EYA1: variants seen among roughly 807,000 people sequenced by gnomAD.
EYA1 encodes the protein protein phosphatase EYA1.
A neutral mutation model predicts 82.0 loss-of-function variants in EYA1; 16 were observed. The ratio of observed to expected loss-of-function variants is 0.20; its 90% CI spans 0.13 to 0.30. EYA1 has a LOEUF of 0.30. Ranked by LOEUF, EYA1 falls within the 10% of genes least tolerant of loss-of-function variation. EYA1 has a pLI of 1.00. For missense variants in EYA1, 633 were observed against 730.7 expected (o/e 0.87, Z 1.54); for synonymous variants, 261 against 264.4 (o/e 0.99, Z 0.12).
At chr8:71,463,460 A>G (rs1359601998) in intron 2 of EYA1, among the ~76,000 whole-genome samples, 3 of 152,250 alleles carry the variant, frequency 2.0e-5, no homozygotes, top group Admixed American at 2.0e-4. Context: ...GTATCATGAC[A>G]CAAAAAGCTG....
intron 2 of EYA1, among the ~76,000 whole-genome samples, chr8:71,483,801 C>A (rs545644839): frequency 2.6e-5 from 4 of 151,986 alleles, no homozygotes; most frequent in Admixed American, 2.0e-4. Flanking sequence ...CATTTTGACC[C>A]CAAATAGTAT....
chr8:71,225,445 GA>G (rs536629955), intron 12 of EYA1: 22 of 348,472 alleles, frequency 6.3e-5, no homozygotes, highest in South Asian at 8.8e-5. Context: ...TGCAGAAAAA[GA>G]AAAAAATGGT....
chr8:71,429,035 C>A (rs1243321537), intron 2 of EYA1, among the ~76,000 whole-genome samples: 1 of 152,124 alleles, frequency 6.6e-6, no homozygotes, highest in Non-Finnish European at 1.5e-5. Flanking sequence ...TATAAGACCC[C>A]TTGATGGAAG....
chr8:71,447,972 A>T (rs1210225011), intron 2 of EYA1, among the ~76,000 whole-genome samples: 4 of 139,496 alleles, frequency 2.9e-5, no homozygotes, highest in African/African-American at 5.5e-5. Flanking sequence ...TTTCCAAAAG[A>T]TTTCTCTGTA....
At chr8:71,391,037 G>C (rs921068484) in intron 2 of EYA1, among the ~76,000 whole-genome samples, 11 of 152,010 alleles carry the variant, frequency 7.2e-5, no homozygotes, top group African/African-American at 2.7e-4. Flanking sequence ...GCAGTGGTGC[G>C]ATCTCGGCTC....
chr8:71,411,654 A>G (rs1161519695), intron 2 of EYA1, among the ~76,000 whole-genome samples: 1 of 151,456 alleles, frequency 6.6e-6, no homozygotes, highest in Non-Finnish European at 1.5e-5. Flanking sequence ...GCCATCAGAG[A>G]AATGCAAATC....
intron 1 of EYA1, among the ~76,000 whole-genome samples, chr8:71,545,611 G>T (rs1815495921): frequency 7.0e-6 from 1 of 142,466 alleles, no homozygotes; most frequent in Middle Eastern, 3.9e-3. Context: ...GCCCAGGCTG[G>T]AGTGCAGTGG....
chr8:71,208,380 C>T (rs188074071), intron 17 of EYA1, among the ~76,000 whole-genome samples: 8 of 152,012 alleles, frequency 5.3e-5, no homozygotes, highest in Non-Finnish European at 1.0e-4. Context: ...TGCAGTGAGC[C>T]GAGATCGCGC....
intron 1 of EYA1, among the ~76,000 whole-genome samples, chr8:71,540,137 A>AT (rs1815030368): frequency 6.6e-6 from 1 of 151,694 alleles, no homozygotes; most frequent in Non-Finnish European, 1.5e-5. Flanking sequence ...AATAAAAAAA[A>AT]ATCTATTCTG....
intron 2 of EYA1, among the ~76,000 whole-genome samples, chr8:71,510,310 A>G (rs1812499859): frequency 6.6e-6 from 1 of 152,172 alleles, no homozygotes; most frequent in African/African-American, 2.4e-5. Flanking sequence ...AAGCAGCCAA[A>G]CCATAGTCAA....
In EYA1 at chr8:71,312,861, T is replaced by C. The variant is rs10216468; in HGVS notation, c.556+4691A>G. On this transcript the variant is annotated intron_variant, in intron 7 of 17. Coordinates refer to ENST00000340726, the MANE Select transcript of EYA1 (RefSeq NM_000503.6). Reference sequence around the variant, plus strand: ...TGTCAACTGTTATTTTATTTTGTTGTATGGGCACTAGAGTTTTCCATCTCT... The same window carrying C: ...TGTCAACTGTTATTTTATTTTGTTGCATGGGCACTAGAGTTTTCCATCTCT... Among the ~76,000 whole-genome samples, 722 of 152,374 alleles carry C rather than the reference T, an allele frequency of 4.7e-3. 5 individuals carry two copies. The highest frequency in any genetic ancestry group is 0.017 in the African/African-American group (690 of 41,586).
chr8:71,508,615 G>A (rs1414114927), intron 2 of EYA1, among the ~76,000 whole-genome samples: 1 of 152,120 alleles, frequency 6.6e-6, no homozygotes, highest in Non-Finnish European at 1.5e-5. Flanking sequence ...CTTATAAAAG[G>A]GGCCCAAGGT....
chr8:71,254,243 CAAAA>C (rs56047377), intron 11 of EYA1, among the ~76,000 whole-genome samples: 6 of 51,470 alleles, frequency 1.2e-4, no homozygotes, highest in African/African-American at 4.8e-4. Flanking sequence ...AAGTCTTGGC[CAAAA>C]AAAAAAAAAA....
chr8:71,367,766 CT>C (rs1827840486), intron 2 of EYA1, among the ~76,000 whole-genome samples: 2 of 152,190 alleles, frequency 1.3e-5, no homozygotes, highest in South Asian at 4.1e-4. Context: ...TAGATTCATG[CT>C]TGCAAGCGAT....
intron 2 of EYA1, among the ~76,000 whole-genome samples, chr8:71,440,392 G>A (rs1199456259): frequency 6.6e-6 from 1 of 152,144 alleles, no homozygotes; most frequent in Non-Finnish European, 1.5e-5. Context: ...CATGGGCAGG[G>A]CTGGTCAAAA....
intron 2 of EYA1, among the ~76,000 whole-genome samples, chr8:71,482,294 G>A (rs1810226575): frequency 6.6e-6 from 1 of 152,166 alleles, no homozygotes; most frequent in African/African-American, 2.4e-5. Context: ...ACGAAAAGGT[G>A]TTCAATGTCA....
chr8:71,417,889 A>G (rs1830941424), intron 2 of EYA1, among the ~76,000 whole-genome samples: 2 of 152,232 alleles, frequency 1.3e-5, no homozygotes, highest in South Asian at 4.1e-4. Context: ...AACCTAAATC[A>G]GCCTCTAAGT....
chr8:71,362,105 C>CGATTTGT, upstream of EYA1: 1 of 980,642 alleles, frequency 1.0e-6, no homozygotes, highest in Non-Finnish European at 1.2e-6. Context: ...TCTCATCCCT[C>CGATTTGT]GATTTGTTTG....
At chr8:71,511,360 G>A (rs1157281278) in intron 2 of EYA1, among the ~76,000 whole-genome samples, 1 of 152,180 alleles carries the variant, frequency 6.6e-6, no homozygotes, top group Non-Finnish European at 1.5e-5. Context: ...TGGAAGAGAT[G>A]AGCAAGGAAA....
Sources: allele counts gnomAD v4.1 joint callset (sites outside exome capture counted in the v4.1 genomes callset), GRCh38; gene constraint gnomAD v4.1.1; transcripts MANE v1.5; gene names NCBI Gene and HGNC (gene_info 2026-07-23, HGNC 2026-07-21).